The following PCDH15 variants were observed in gnomAD, a reference collection of about 807,000 sequenced individuals.
PCDH15 encodes the protein protocadherin related 15.
In PCDH15, 129 loss-of-function variants were observed where a neutral mutation model predicts 178.5. That is an observed-to-expected ratio of 0.72 (90% CI 0.63 to 0.84). PCDH15 has a LOEUF of 0.84. PCDH15 is among the 40% of genes least tolerant of loss of function. PCDH15 has a pLI of 0.00. For missense variants in PCDH15, 2,230 were observed against 2,099.9 expected (o/e 1.06, Z -1.21); for synonymous variants, 800 against 732.0 (o/e 1.09, Z -1.50).
At position 55,625,720 on chromosome 10, in the gene PCDH15, A is replaced by G. The variant is rs73265306; in HGVS notation, c.-156+1905T>C. ...TCTGCCCTTTGAGATAAACCTGCTC[A>G]TGCAGATTTAAGATAAGGTTGATTT... On this transcript the variant is annotated intron_variant, in intron 2 of 5. Transcript: ENST00000613346. 6.5e-3 allele frequency among the ~76,000 whole-genome samples: 989 copies of G among 152,298 alleles called. 15 individuals are homozygous for G. The highest frequency in any genetic ancestry group is 0.023 in the African/African-American group (938 of 41,560).
chr10:54,763,407 C>A (rs191893039), intron 1 of PCDH15, among the ~76,000 whole-genome samples: 1 of 152,032 alleles, frequency 6.6e-6, no homozygotes, highest in Non-Finnish European at 1.5e-5. Flanking sequence ...CTTGAAAATA[C>A]CCTTTCTCAA....
chr10:53,888,325 T>TATATATGTATGTAC (rs2133432828), intron 26 of PCDH15, among the ~76,000 whole-genome samples: 1 of 115,082 alleles, frequency 8.7e-6, no homozygotes, highest in African/African-American at 3.1e-5. Context: ...TATGTACGTA[T>TATATATGTATGTAC]ATATATGTAC....
intron 1 of PCDH15, among the ~76,000 whole-genome samples, chr10:54,739,714 A>C (rs1944551548): frequency 6.6e-6 from 1 of 152,020 alleles, no homozygotes; most frequent in Admixed American, 6.6e-5. Context: ...CAGAATAGAG[A>C]ACCCAGAAAT....
chr10:55,569,886 C>T (rs1183450442), intron 2 of PCDH15, among the ~76,000 whole-genome samples: 1 of 151,868 alleles, frequency 6.6e-6, no homozygotes, highest in African/African-American at 2.4e-5. Context: ...TATTGGTCTC[C>T]TGAGGCAGAG....
chr10:55,338,407 C>A (rs1844456068), intron 2 of PCDH15, among the ~76,000 whole-genome samples: 1 of 152,156 alleles, frequency 6.6e-6, no homozygotes. Flanking sequence ...AATTGTCTAT[C>A]AACAGATAAA....
At chr10:55,054,316 T>TGG (rs1160017848) in intron 2 of PCDH15, among the ~76,000 whole-genome samples, 41 of 152,262 alleles carry the variant, frequency 2.7e-4, no homozygotes, top group Admixed American at 2.6e-3. Context: ...CTAAAGATAA[T>TGG]GGCTTTCAGC....
intron 5 of PCDH15, among the ~76,000 whole-genome samples, chr10:54,359,471 A>G (rs1364355630): frequency 2.2e-4 from 33 of 152,026 alleles, no homozygotes; most frequent in Admixed American, 2.2e-3. Flanking sequence ...TATTATTTAA[A>G]TAAATAATGT....
At chr10:54,040,912 T>G (rs2093528729) in intron 18 of PCDH15, among the ~76,000 whole-genome samples, 1 of 152,096 alleles carries the variant, frequency 6.6e-6, no homozygotes, top group Non-Finnish European at 1.5e-5. Flanking sequence ...ACTCTAAAAC[T>G]TCATCAATAT....
At chr10:54,356,303 C>T (rs987152770) in intron 5 of PCDH15, among the ~76,000 whole-genome samples, 8 of 151,778 alleles carry the variant, frequency 5.3e-5, no homozygotes, top group Admixed American at 2.0e-4. Flanking sequence ...TTATACACTC[C>T]TCTGGTCCTG....
chr10:53,882,334 G>C (rs1048633647), intron 26 of PCDH15, among the ~76,000 whole-genome samples: 5 of 152,112 alleles, frequency 3.3e-5, no homozygotes, highest in South Asian at 2.1e-4. Flanking sequence ...CCCAGAGCTC[G>C]GGGCCTTTGC....
intron 28 of PCDH15, among the ~76,000 whole-genome samples, chr10:53,846,173 T>C (rs2077966854): frequency 6.6e-6 from 1 of 151,916 alleles, no homozygotes; most frequent in South Asian, 2.1e-4. Context: ...TATCTGATTA[T>C]GTCGAGCATT....
intron 3 of PCDH15, among the ~76,000 whole-genome samples, chr10:54,521,955 G>GT (rs2138241008): frequency 6.6e-6 from 1 of 151,960 alleles, no homozygotes; most frequent in African/African-American, 2.4e-5. Flanking sequence ...AGGCATGGTG[G>GT]TGGGTGCATG....
At chr10:54,556,025 C>T (rs977284335) in intron 2 of PCDH15, among the ~76,000 whole-genome samples, 1 of 152,176 alleles carries the variant, frequency 6.6e-6, no homozygotes, top group East Asian at 1.9e-4. Flanking sequence ...GAATACTATG[C>T]ACTAGTCCTT....
intron 8 of PCDH15, among the ~76,000 whole-genome samples, chr10:54,257,423 CAAA>C (rs2057000169): frequency 2.8e-5 from 1 of 36,172 alleles, no homozygotes; most frequent in Admixed American, 2.6e-4. Context: ...TTTTTTTTGT[CAAA>C]GAAGTCAAAT....
chr10:55,351,392 G>A lies in PCDH15; in HGVS notation c.-155-184741C>T, dbSNP rs114530405. Among the ~76,000 whole-genome samples the A allele has an allele frequency of 5.6e-3, 856 of 151,874 alleles. 10 individuals are homozygous for A. Among genetic ancestry groups the A allele is most frequent in the African/African-American group, 0.02 (816 of 41,426 alleles). On this transcript the variant is annotated intron_variant, in intron 2 of 5. Coordinates refer to the PCDH15 transcript ENST00000613346. ...ACTAAATTGATGCTTTTTCATCCAC[G>A]ATTCTATTCCTACTAACCTTATAAG... is the stretch of plus-strand genomic sequence containing the variant.
At chr10:55,459,370 C>G (rs983229574) in intron 2 of PCDH15, among the ~76,000 whole-genome samples, 10 of 151,892 alleles carry the variant, frequency 6.6e-5, no homozygotes, top group South Asian at 2.1e-4. Flanking sequence ...AGTTTTCTCC[C>G]GCTTATCTGA....
intron 25 of PCDH15, 129 bp downstream of exon 25, chr10:53,938,686 C>A (rs1439794785): frequency 1.8e-5 from 18 of 981,954 alleles, no homozygotes; most frequent in Non-Finnish European, 2.4e-5. Context: ...AATAGGCAAT[C>A]ATCTCAGAGT....
chr10:54,560,617 A>G (rs1474089697), intron 2 of PCDH15, among the ~76,000 whole-genome samples: 2 of 152,026 alleles, frequency 1.3e-5, no homozygotes, highest in African/African-American at 4.8e-5. Context: ...TACATATTTA[A>G]TTTTTCAATA....
At chr10:53,853,508 G>T (rs577482005) in intron 28 of PCDH15, among the ~76,000 whole-genome samples, 2 of 152,124 alleles carry the variant, frequency 1.3e-5, no homozygotes, top group African/African-American at 4.8e-5. Context: ...GAAAATATTT[G>T]CAAATCTTAC....
Sources: allele counts gnomAD v4.1 joint callset (sites outside exome capture counted in the v4.1 genomes callset), GRCh38; gene constraint gnomAD v4.1.1; transcripts MANE v1.5; gene names NCBI Gene and HGNC (gene_info 2026-07-23, HGNC 2026-07-21).